Variants in NRXN3 observed in about 807,000 individuals in gnomAD.
The protein encoded by NRXN3 is neurexin 3, also known as neurexin III.
Under a neutral mutation model 137.6 loss-of-function variants are expected in NRXN3, and 32 were observed. The ratio of observed to expected loss-of-function variants is 0.23; its 90% CI spans 0.18 to 0.31. NRXN3 has a LOEUF of 0.31. Among genes scored for constraint, NRXN3 ranks in the 10% least tolerant of loss-of-function variants. The probability of loss-of-function intolerance (pLI) is 1.00; values close to 1 mark genes in which losing one functional copy is unlikely to be tolerated. For synonymous variants in NRXN3, 798 were observed against 784.5 expected (o/e 1.02, Z -0.29); for missense variants, 1,574 against 2,062.5 (o/e 0.76, Z 4.59).
chr14:78,693,990 G>A (rs1012596252), intron 6 of NRXN3, among the ~76,000 whole-genome samples: 4 of 151,716 alleles, frequency 2.6e-5, no homozygotes, highest in African/African-American at 9.7e-5. Flanking sequence ...CTTGCCATCC[G>A]TGCTATTTCT....
intron 15 of NRXN3, among the ~76,000 whole-genome samples, chr14:79,461,794 A>C (rs2096345694): frequency 6.6e-6 from 1 of 152,226 alleles, no homozygotes; most frequent in Non-Finnish European, 1.5e-5. Context: ...TTATAGTAAA[A>C]AAACACGAAT....
At chr14:79,514,976 C>T (rs896852613) in intron 16 of NRXN3, among the ~76,000 whole-genome samples, 6 of 150,476 alleles carry the variant, frequency 4.0e-5, no homozygotes, top group African/African-American at 1.3e-4. Flanking sequence ...ACAGCTGACT[C>T]ACTGCACACT....
At chr14:79,400,193 T>A (rs933769842) in intron 15 of NRXN3, among the ~76,000 whole-genome samples, 4 of 152,234 alleles carry the variant, frequency 2.6e-5, no homozygotes, top group African/African-American at 9.6e-5. Flanking sequence ...GCACAACCCT[T>A]AAATATCCTA....
At chr14:79,596,600 A>G (rs1351818677) in intron 16 of NRXN3, among the ~76,000 whole-genome samples, 1 of 152,130 alleles carries the variant, frequency 6.6e-6, no homozygotes, top group Non-Finnish European at 1.5e-5. Flanking sequence ...CTTACAGACT[A>G]AGAGTATTTA....
At chr14:78,679,613 G>C (rs2098052073) in intron 6 of NRXN3, among the ~76,000 whole-genome samples, 1 of 152,048 alleles carries the variant, frequency 6.6e-6, no homozygotes, top group Non-Finnish European at 1.5e-5. Flanking sequence ...CAAGAGTGAT[G>C]CCAGCTTTGC....
intron 15 of NRXN3, among the ~76,000 whole-genome samples, chr14:79,388,463 G>C (rs2094719157): frequency 6.6e-6 from 1 of 151,996 alleles, no homozygotes; most frequent in Non-Finnish European, 1.5e-5. Flanking sequence ...GAGGAGTCCA[G>C]GCCCTTATGG....
chr14:79,733,045 T>C (rs1034041359), intron 19 of NRXN3, among the ~76,000 whole-genome samples: 3 of 151,446 alleles, frequency 2.0e-5, no homozygotes, highest in African/African-American at 7.3e-5. Context: ...ATCTTTGTCA[T>C]AAATCTACTA....
intron 6 of NRXN3, among the ~76,000 whole-genome samples, chr14:78,667,458 G>A (rs191048629): frequency 6.6e-6 from 1 of 152,298 alleles, no homozygotes; most frequent in African/African-American, 2.4e-5. Context: ...TTTCTGGCTT[G>A]CATACAATCC....
intron 15 of NRXN3, chr14:79,201,740 A>T (rs530011740): frequency 1.3e-5 from 2 of 152,264 alleles, no homozygotes. Flanking sequence ...ATTAAAGTTG[A>T]TAAAGCTGCT....
chr14:79,356,493 G>A (rs370632705), intron 15 of NRXN3, among the ~76,000 whole-genome samples: 1 of 152,116 alleles, frequency 6.6e-6, no homozygotes, highest in Admixed American at 6.5e-5. Flanking sequence ...GTTCAAAAGA[G>A]TGTTTATGTT....
intron 15 of NRXN3, among the ~76,000 whole-genome samples, chr14:79,205,946 G>A (rs781646946): frequency 5.4e-4 from 82 of 152,110 alleles, no homozygotes; most frequent in Non-Finnish European, 1.0e-3. Context: ...CATCATTGTA[G>A]TTCTCTGATA....
intron 1 of NRXN3, among the ~76,000 whole-genome samples, chr14:78,241,730 T>C (rs767587422): frequency 2.6e-5 from 4 of 151,978 alleles, no homozygotes; most frequent in Non-Finnish European, 5.9e-5. Context: ...AATGAGGAAA[T>C]AGAAGCTCAA....
At chr14:79,515,730 GA>G (rs1224984466) in intron 16 of NRXN3, among the ~76,000 whole-genome samples, 5 of 152,016 alleles carry the variant, frequency 3.3e-5, no homozygotes, top group African/African-American at 9.7e-5. Flanking sequence ...TGCCAAGTAT[GA>G]GGGGGAAAAA....
At chr14:79,406,328 A>G (rs2095311585) in intron 15 of NRXN3, among the ~76,000 whole-genome samples, 1 of 145,788 alleles carries the variant, frequency 6.9e-6, no homozygotes, top group Admixed American at 7.1e-5. Flanking sequence ...TTCTTGAGAC[A>G]GGGTCTTGCT....
intron 6 of NRXN3, among the ~76,000 whole-genome samples, chr14:78,660,342 C>T (rs1029007630): frequency 6.6e-6 from 1 of 151,426 alleles, no homozygotes; most frequent in African/African-American, 2.4e-5. Context: ...TCCCCTCATT[C>T]TCAATCCAAT....
intron 4 of NRXN3, among the ~76,000 whole-genome samples, chr14:78,635,401 T>C (rs1035955277): frequency 6.6e-6 from 1 of 152,214 alleles, no homozygotes; most frequent in African/African-American, 2.4e-5. Flanking sequence ...AACATGTATG[T>C]GTGAATATAG....
At chr14:79,507,451 G>A (rs1162515808) in intron 16 of NRXN3, among the ~76,000 whole-genome samples, 2 of 152,162 alleles carry the variant, frequency 1.3e-5, no homozygotes, top group African/African-American at 4.8e-5. Flanking sequence ...TATTGAGCTG[G>A]GAAGTGTTCC....
At chr14:78,624,827 GTGTGTTTGTT>G (rs2097440280) in intron 4 of NRXN3, among the ~76,000 whole-genome samples, 1 of 150,360 alleles carries the variant, frequency 6.7e-6, no homozygotes, top group African/African-American at 2.4e-5. Flanking sequence ...GTGTGTGTGT[GTGTGTTTGTT>G]TGTTTGTTTG....
At chr14:79,817,966 C>A (rs1057077729) in intron 20 of NRXN3, among the ~76,000 whole-genome samples, 2 of 151,692 alleles carry the variant, frequency 1.3e-5, no homozygotes, top group East Asian at 3.9e-4. Flanking sequence ...AGGAATGACT[C>A]CAATATTGGA....
Sources: gnomAD v4.1 joint callset for allele counts (sites outside exome capture counted in the v4.1 genomes callset) on GRCh38, gnomAD v4.1.1 for gene constraint, MANE v1.5 for transcripts, NCBI Gene and HGNC (gene_info 2026-07-23, HGNC 2026-07-21) for gene names.